Variants in CFAP221 observed in about 807,000 individuals in gnomAD.
The protein encoded by CFAP221 is cilia and flagella associated protein 221, also known as cilia- and flagella-associated protein 221.
In CFAP221, 97 loss-of-function variants were observed where a neutral mutation model predicts 113.1. The ratio of observed to expected loss-of-function variants is 0.86; its 90% CI spans 0.73 to 1.02. The LOEUF (loss-of-function observed/expected upper bound fraction) is 1.02. Ranked by LOEUF, CFAP221 falls within the 50% of genes least tolerant of loss-of-function variation. The pLI, the probability that CFAP221 is intolerant of heterozygous loss-of-function variation, is 0.00. For synonymous variants in CFAP221, 331 were observed against 354.4 expected, an observed-to-expected ratio of 0.93 and a Z score of 0.74; for missense variants, 1,025 against 1,013.4, an observed-to-expected ratio of 1.01 and a Z score of -0.16.
At chr2:119,590,131 G>A (rs1401548483) in intron 7 of CFAP221, 1 of 152,162 alleles carries the variant, frequency 6.6e-6, no homozygotes, top group African/African-American at 2.4e-5. Context: ...GTAAATTATA[G>A]CATTAAGTGG....
chr2:119,582,931 G>A (rs1189505166), intron 6 of CFAP221, among the ~76,000 whole-genome samples: 1 of 152,010 alleles, frequency 6.6e-6, no homozygotes, highest in Non-Finnish European at 1.5e-5. Context: ...AAAACAAGGT[G>A]GTAGAAATAA....
chr2:119,567,841 C>T lies in CFAP221; in HGVS notation c.527+5727C>T, dbSNP rs146908053. ...TAGTTTTGTAATTGTTGCCCTTGTA[C>T]TTTGGTTCTCTTTTTATCTTCCACT... On this transcript the variant is annotated intron_variant, in intron 6 of 23. Coordinates refer to ENST00000413369, the MANE Select transcript of CFAP221 (RefSeq NM_001271049.2). Among the ~76,000 whole-genome samples the T allele has an allele frequency of 1.6e-3, 250 of 152,246 alleles. 1 individual carries two copies. Among genetic ancestry groups the T allele is most frequent in the African/African-American group, 5.6e-3 (233 of 41,546 alleles).
intron 6 of CFAP221, 111 bp from the exon 7 acceptor site, chr2:119,587,008 T>C (rs1198790548): frequency 1.4e-6 from 1 of 710,862 alleles, no homozygotes; most frequent in Non-Finnish European, 2.2e-6. Flanking sequence ...CAGATCAGCA[T>C]TGGCAGTCAT....
chr2:119,654,573 C>T lies in CFAP221; in HGVS notation c.2415-1789C>T, dbSNP rs904534345. On this transcript the variant is annotated intron_variant, in intron 23 of 23. Transcript: ENST00000413369. ...ATTTGGTTATCAAATTATCATTAAA[C>T]GAAATAGAATTTATTACTTTACATA... is the stretch of plus-strand genomic sequence containing the variant. Among the ~76,000 whole-genome samples, 9 of 152,032 alleles carry T rather than the reference C, an allele frequency of 5.9e-5. No homozygotes were observed. In the East Asian group the frequency reaches 7.7e-4, roughly 13 times the overall value.
At chr2:119,599,818 C>T (rs1207115180) in intron 7 of CFAP221, among the ~76,000 whole-genome samples, 1 of 152,000 alleles carries the variant, frequency 6.6e-6, no homozygotes, top group African/African-American at 2.4e-5. Context: ...ACTGTGAGAT[C>T]TGGGATTTGT....
intron 21 of CFAP221, among the ~76,000 whole-genome samples, chr2:119,643,022 C>T (rs1687588849): frequency 6.6e-6 from 1 of 152,084 alleles, no homozygotes; most frequent in African/African-American, 2.4e-5. Context: ...AACTCCTGGC[C>T]TCAAGTGATC....
chr2:119,548,940 T>G, intron 2 of CFAP221, 145 bp from the exon 3 acceptor site: 1 of 528,522 alleles, frequency 1.9e-6, no homozygotes, highest in Non-Finnish European at 3.2e-6. Flanking sequence ...AGATAATTAA[T>G]CTTGTTGACA....
chr2:119,587,862 A>G lies in CFAP221; in HGVS notation c.631+640A>G, dbSNP rs191868904. Among the ~76,000 whole-genome samples, 14 of 152,296 alleles carry G rather than the reference A, an allele frequency of 9.2e-5. No individual in the cohort carries two copies. In the East Asian group the frequency reaches 2.5e-3, roughly 27 times the overall value. The stretch of plus-strand genomic sequence containing the variant: ...TTCATTTGTTTACAACTCTTTCAGT[A>G]CTGCAAGTACATATTTTGTCCAACA... On this transcript the variant is annotated intron_variant, in intron 7 of 23. Transcript: ENST00000413369.
chr2:119,559,808 G>C (rs1681093008), intron 4 of CFAP221, 33 bp downstream of exon 4: 1 of 1,494,890 alleles, frequency 6.7e-7, no homozygotes, highest in Non-Finnish European at 9.0e-7. Flanking sequence ...TTCTCCCACG[G>C]TGTGGTTGTC....
chr2:119,608,717 A>T, intron 12 of CFAP221, 128 bp downstream of exon 12: 1 of 753,860 alleles, frequency 1.3e-6, no homozygotes, highest in South Asian at 1.7e-5. Context: ...ACGACAAGTA[A>T]ATTGTCAACC....
chr2:119,562,614 G>A (rs925398097), intron 6 of CFAP221, among the ~76,000 whole-genome samples: 4 of 152,170 alleles, frequency 2.6e-5, no homozygotes, highest in African/African-American at 9.7e-5. Context: ...ATCTGTTTTG[G>A]AGACAAAGGC....
intron 6 of CFAP221, among the ~76,000 whole-genome samples, chr2:119,586,269 G>A (rs1016367364): frequency 1.3e-5 from 2 of 152,138 alleles, no homozygotes; most frequent in African/African-American, 4.8e-5. Flanking sequence ...GCTGCAAGGG[G>A]ACCCAATAAC....
chr2:119,624,262 T>TG (rs1441865389), intron 14 of CFAP221, among the ~76,000 whole-genome samples: 1 of 152,190 alleles, frequency 6.6e-6, no homozygotes, highest in Non-Finnish European at 1.5e-5. Flanking sequence ...AACAAACATA[T>TG]GAAAAACAGC....
At chr2:119,588,711 T>C (rs1479841388) in intron 7 of CFAP221, among the ~76,000 whole-genome samples, 1 of 152,338 alleles carries the variant, frequency 6.6e-6, no homozygotes, top group East Asian at 1.9e-4. Context: ...GTGGTTGTTT[T>C]GGTACTTTGT....
downstream of CFAP221, among the ~76,000 whole-genome samples, chr2:119,659,809 T>C (rs1374209241): frequency 1.3e-5 from 2 of 152,228 alleles, no homozygotes; most frequent in Non-Finnish European, 2.9e-5. Flanking sequence ...TCCCCAGGCC[T>C]CTGCCCCTTG....
rs147569327 is a variant in CFAP221, at chr2:119,597,455, A to G, written c.632-3763A>G. On this transcript the variant is annotated intron_variant, in intron 7 of 23. Coordinates refer to ENST00000413369, the MANE Select transcript of CFAP221 (RefSeq NM_001271049.2). ...TGGATGATTTTAAAGCTAAATAGCT[A>G]TTAATTTCCCAACATTAGCTTTGAG... 3.8e-3 allele frequency among the ~76,000 whole-genome samples: 575 copies of G among 152,338 alleles called. 6 individuals carry two copies. Among genetic ancestry groups the G allele is most frequent in the African/African-American group, 0.013 (541 of 41,576 alleles).
chr2:119,646,885 T>C (rs1687843780), intron 21 of CFAP221, 73 bp from the exon 22 acceptor site: 2 of 1,364,424 alleles, frequency 1.5e-6, no homozygotes, highest in African/African-American at 1.5e-5. Flanking sequence ...AAAAATTCTT[T>C]AGAAAATTAT....
intron 6 of CFAP221, among the ~76,000 whole-genome samples, chr2:119,566,305 A>C (rs766871423): frequency 2.0e-5 from 3 of 152,214 alleles, no homozygotes; most frequent in South Asian, 4.1e-4. Context: ...GCATGTTACC[A>C]TGCACTAACA....
intron 14 of CFAP221, among the ~76,000 whole-genome samples, chr2:119,622,422 C>G (rs534993645): frequency 2.0e-5 from 3 of 152,096 alleles, no homozygotes; most frequent in Admixed American, 2.0e-4. Context: ...GATTCACAGC[C>G]GAATTATACC....
Sources: allele counts gnomAD v4.1 joint callset (sites outside exome capture counted in the v4.1 genomes callset), GRCh38; gene constraint gnomAD v4.1.1; transcripts MANE v1.5; gene names NCBI Gene and HGNC (gene_info 2026-07-23, HGNC 2026-07-21).